GUCY1A2: variants seen among roughly 807,000 people sequenced by gnomAD.
The protein encoded by GUCY1A2 is guanylate cyclase 1 soluble subunit alpha 2, also known as guanylate cyclase soluble subunit alpha-2.
Under a neutral mutation model 63.5 loss-of-function variants are expected in GUCY1A2, and 27 were observed. That is an observed-to-expected ratio of 0.43 (90% CI 0.31 to 0.59). GUCY1A2 has a LOEUF of 0.59. Ranked by LOEUF, GUCY1A2 falls within the 20% of genes least tolerant of loss-of-function variation. GUCY1A2 has a pLI of 0.11. For synonymous variants in GUCY1A2, 364 were observed against 343.5 expected, an observed-to-expected ratio of 1.06 and a Z score of -0.66; for missense variants, 768 against 913.3, an observed-to-expected ratio of 0.84 and a Z score of 2.05.
At chr11:106,690,688 T>C (rs1315531586) in intron 7 of GUCY1A2, among the ~76,000 whole-genome samples, 1 of 152,174 alleles carries the variant, frequency 6.6e-6, no homozygotes, top group Admixed American at 6.5e-5. Context: ...AAACCTGTGC[T>C]TGTACCCCTG....
At chr11:106,794,637 T>C (rs1481150309) in intron 5 of GUCY1A2, among the ~76,000 whole-genome samples, 1 of 152,112 alleles carries the variant, frequency 6.6e-6, no homozygotes, top group Non-Finnish European at 1.5e-5. Flanking sequence ...AAATTTATAC[T>C]ATTTTTATTT....
intron 4 of GUCY1A2, among the ~76,000 whole-genome samples, chr11:106,820,173 T>C (rs1435650960): frequency 1.3e-5 from 2 of 152,334 alleles, no homozygotes; most frequent in Non-Finnish European, 2.9e-5. Flanking sequence ...ATAAGGTGCT[T>C]TGAAATAAAA....
chr11:106,969,398 G>A (rs1861166343), intron 3 of GUCY1A2, among the ~76,000 whole-genome samples: 1 of 152,094 alleles, frequency 6.6e-6, no homozygotes, highest in Non-Finnish European at 1.5e-5. Context: ...TCAGAGTTAT[G>A]CATCAAAGAA....
chr11:106,916,373 C>A (rs1258449665), intron 4 of GUCY1A2, among the ~76,000 whole-genome samples: 1 of 145,396 alleles, frequency 6.9e-6, no homozygotes, highest in Non-Finnish European at 1.5e-5. Context: ...CTGACTCTCT[C>A]TAATCCACAT....
chr11:106,716,607 G>T (rs2135358878), intron 6 of GUCY1A2, among the ~76,000 whole-genome samples: 1 of 151,602 alleles, frequency 6.6e-6, no homozygotes. Flanking sequence ...GTTCCCCGAG[G>T]TTAGCAAAAA....
intron 4 of GUCY1A2, among the ~76,000 whole-genome samples, chr11:106,886,193 A>G (rs543885583): frequency 1.4e-4 from 22 of 152,262 alleles, no homozygotes; most frequent in African/African-American, 5.3e-4. Context: ...ATTCTGACCA[A>G]TGGAATATAA....
chr11:106,769,720 A>G (rs1047939160), intron 6 of GUCY1A2, among the ~76,000 whole-genome samples: 12 of 152,142 alleles, frequency 7.9e-5, no homozygotes, highest in African/African-American at 2.7e-4. Context: ...CACTATATGC[A>G]TTATCTAGGA....
chr11:106,756,266 A>C (rs569445936), intron 6 of GUCY1A2, among the ~76,000 whole-genome samples: 21 of 152,282 alleles, frequency 1.4e-4, no homozygotes, highest in African/African-American at 5.1e-4. Flanking sequence ...GGGTCTCCTG[A>C]ATACAGCACA....
chr11:106,828,945 G>A (rs76787731), intron 4 of GUCY1A2, among the ~76,000 whole-genome samples: 3,420 of 152,206 alleles, frequency 0.022, 59 homozygotes, highest in Middle Eastern at 0.054. Context: ...TCCAACATTC[G>A]TGAAAACATT....
At chr11:106,827,423 T>C (rs541901877) in intron 4 of GUCY1A2, 1 of 1,470,828 alleles carries the variant, frequency 6.8e-7, no homozygotes, top group East Asian at 2.3e-5. Flanking sequence ...TCAAGTGCGA[T>C]ACCACCGTTC....
At chr11:106,898,572 C>A (rs1437181632) in intron 4 of GUCY1A2, among the ~76,000 whole-genome samples, 2 of 152,080 alleles carry the variant, frequency 1.3e-5, no homozygotes, top group African/African-American at 4.8e-5. Flanking sequence ...ATTAAATGTG[C>A]ATAATTAAAT....
intron 7 of GUCY1A2, among the ~76,000 whole-genome samples, chr11:106,703,125 T>C (rs1173448428): frequency 2.0e-5 from 3 of 152,172 alleles, no homozygotes; most frequent in East Asian, 1.9e-4. Context: ...TCATGCTGAA[T>C]GCTTCCTGCC....
intron 4 of GUCY1A2, among the ~76,000 whole-genome samples, chr11:106,820,931 T>G (rs1858893640): frequency 6.6e-6 from 1 of 152,204 alleles, no homozygotes; most frequent in African/African-American, 2.4e-5. Context: ...TTTAGACAAT[T>G]TATCTCTGTG....
chr11:106,687,647 T>A lies in GUCY1A2; in HGVS notation c.2101A>T (p.Thr701Ser). 6.2e-7 allele frequency: 1 copy of A among 1,613,800 alleles called. No individual in the cohort carries two copies. The highest frequency in any genetic ancestry group is 8.5e-7 in the Non-Finnish European group (1 of 1,179,698). ...PGICYFLEVR[T>S]GPKPPKPSLS... The stretch of plus-strand genomic sequence containing the variant: ...GAAGGCTTTGGTGGCTTTGGACCAG[T>A]CCTTACCTCCAGGAAATAGCAGATC... Residue 701 changes from threonine to serine, a missense_variant, in exon 8 of 8, where the codon ACT (threonine) becomes TCT (serine). This residue lies in a region of GUCY1A2 where 150 missense variants were observed against 188.3 expected (regional missense o/e 0.80). Coordinates refer to ENST00000526355, the MANE Select transcript of GUCY1A2 (RefSeq NM_000855.3).
chr11:106,745,019 T>C (rs1163766551), intron 6 of GUCY1A2, among the ~76,000 whole-genome samples: 2 of 152,102 alleles, frequency 1.3e-5, no homozygotes, highest in African/African-American at 2.4e-5. Flanking sequence ...TCTAAAACAC[T>C]GTTAATTATG....
intron 3 of GUCY1A2, among the ~76,000 whole-genome samples, chr11:106,944,956 T>C (rs778913111): frequency 6.6e-6 from 1 of 152,018 alleles, no homozygotes; most frequent in Non-Finnish European, 1.5e-5. Flanking sequence ...GAACAACCTC[T>C]AAAAACACTA....
At chr11:106,963,332 A>G (rs1861084572) in intron 3 of GUCY1A2, among the ~76,000 whole-genome samples, 1 of 152,210 alleles carries the variant, frequency 6.6e-6, no homozygotes, top group Admixed American at 6.5e-5. Context: ...AGAAAGCTAC[A>G]TGTCCGTGTA....
Position 106,776,453 on chromosome 11 carries a change from C to T in GUCY1A2, c.1822G>A (p.Gly608Arg). 6.2e-7 allele frequency: 1 copy of T among 1,613,412 alleles called. No homozygotes were observed. Among genetic ancestry groups the T allele is most frequent in the Non-Finnish European group, 8.5e-7 (1 of 1,179,420 alleles). ...ELSEEVLTPD[G>R]RPIQMRIGIH... The stretch of plus-strand genomic sequence containing the variant: ...GGGAGGGTTACCTGAATCGGTCTTC[C>T]ATCAGGTGTCAGCACCTCTTCTGAA... Residue 608 changes from glycine (G) to arginine (R), a missense_variant, in exon 6 of 8, where the codon GGA becomes AGA. By Grantham distance (125) the Gly-to-Arg change is moderately radical. Around this residue, in one of 3 missense-constraint regions of GUCY1A2, gnomAD observed 150 missense variants for 188.3 expected, o/e 0.80. Coordinates refer to ENST00000526355, the MANE Select transcript of GUCY1A2 (RefSeq NM_000855.3).
At chr11:106,954,354 G>A (rs1188898248) in intron 3 of GUCY1A2, among the ~76,000 whole-genome samples, 1 of 152,108 alleles carries the variant, frequency 6.6e-6, no homozygotes, top group Non-Finnish European at 1.5e-5. Context: ...GTTCTAATTT[G>A]ATTGCACTGT....
Sources: gnomAD v4.1 joint callset for allele counts (sites outside exome capture counted in the v4.1 genomes callset) on GRCh38, gnomAD v4.1.1 for gene constraint, gnomAD v4.1.1 regional missense constraint, MANE v1.5 for transcripts, NCBI Gene and HGNC (gene_info 2026-07-23, HGNC 2026-07-21) for gene names.